Variants in ASB13 observed in about 807,000 individuals in gnomAD.
ASB13 encodes ankyrin repeat and SOCS box protein 13.
Under a neutral mutation model 28.8 loss-of-function variants are expected in ASB13, and 33 were observed. The observed-to-expected ratio is 1.15, with a 90% CI of 0.87 to 1.53. The LOEUF (loss-of-function observed/expected upper bound fraction) is 1.53. Ranked by LOEUF, ASB13 falls within the 40% of genes most tolerant of loss-of-function variation. The probability of loss-of-function intolerance (pLI) is 0.00; values close to 1 mark genes in which losing one functional copy is unlikely to be tolerated. For synonymous variants in ASB13, 182 were observed against 172.9 expected (o/e 1.05, Z -0.41); for missense variants, 414 against 390.1 (o/e 1.06, Z -0.52).
In ASB13 at chr10:5,658,801, G is replaced by A. The variant is rs1835111748; in HGVS notation, c.44-5751C>T. ...GAGCATGGGGGGACTGTCACCCGCA[G>A]GCTGTCCTCATAGGAGATTTACAGT... On this transcript the variant is annotated intron_variant, in intron 1 of 5. Coordinates refer to ENST00000357700, the MANE Select transcript of ASB13 (RefSeq NM_024701.4). This position sits in a 1 kb window ranked among gnomAD's most constrained non-coding sequence, Gnocchi z 4.2. 6.6e-6 allele frequency among the ~76,000 whole-genome samples: 1 copy of A among 152,174 alleles called. No individual in the cohort carries two copies. Among genetic ancestry groups the A allele is most frequent in the African/African-American group, 2.4e-5 (1 of 41,426 alleles).
At chr10:5,666,261 C>A (rs566226679) in intron 1 of ASB13, among the ~76,000 whole-genome samples, 1 of 152,140 alleles carries the variant, frequency 6.6e-6, no homozygotes, top group South Asian at 2.1e-4. Context: ...CCACACCTGG[C>A]GAGCCGCACG....
chr10:5,657,416 A>AT (rs1835089788), intron 1 of ASB13, among the ~76,000 whole-genome samples: 1 of 148,258 alleles, frequency 6.7e-6, no homozygotes. Context: ...AGCCACAAAC[A>AT]TAAAAAAAAA....
chr10:5,642,570 G>GT lies in ASB13; in HGVS notation c.518-610dup. The GT allele has an allele frequency of 8.5e-7, 1 of 1,170,318 alleles. No homozygotes were observed. The highest frequency in any genetic ancestry group is 1.1e-6 in the Non-Finnish European group (1 of 935,926). The allele number at this position is 1,170,318 out of a possible 1,614,324, so 72.5% of individuals were successfully genotyped here. ...TTCATCAAGCTGATTAAAAGTAAAG[G>GT]TAAAAAAAAATTTTTTTTTAAAAAA... On this transcript the variant is annotated intron_variant, in intron 4 of 5. Coordinates refer to ENST00000357700, the MANE Select transcript of ASB13 (RefSeq NM_024701.4). This position sits in a 1 kb window ranked among gnomAD's most constrained non-coding sequence, Gnocchi z 4.1.
chr10:5,645,764 G>GT lies in ASB13; in HGVS notation c.517+3205dup, dbSNP rs1021459494. 6.6e-6 allele frequency among the ~76,000 whole-genome samples: 1 copy of GT among 152,154 alleles called. No homozygotes were observed. The highest frequency in any genetic ancestry group is 1.5e-5 in the Non-Finnish European group (1 of 68,020). The stretch of plus-strand genomic sequence containing the variant: ...AGGAAAAGGGACTTTCCACTCTTCT[G>GT]TTTTTCTAGAGACACGGTCCCTGGC... On this transcript the variant is annotated intron_variant, in intron 4 of 5. Coordinates refer to ENST00000357700, the MANE Select transcript of ASB13 (RefSeq NM_024701.4). The surrounding 1 kb of genome is among the most constrained non-coding windows in gnomAD (Gnocchi z 5.4).
In ASB13 at chr10:5,640,561, C is replaced by T; in HGVS notation, c.*142G>A. ...ATTATCCAGGATCCAGGAGAGAAGC[C>T]TAAACAGGATCGCAGGAAGGGACTC... is the stretch of plus-strand genomic sequence containing the variant. On this transcript the variant is annotated 3_prime_UTR_variant, in exon 6 of 6. Transcript: ENST00000357700. The T allele has an allele frequency of 9.1e-7, 1 of 1,102,192 alleles. No homozygotes were observed. Among genetic ancestry groups the T allele is most frequent in the Non-Finnish European group, 1.3e-6 (1 of 769,690 alleles). 68.3% of individuals were successfully genotyped at this position (1,102,192 alleles called of 1,614,324 possible). A position where few individuals can be genotyped will look rare whatever the true frequency, so the allele number is the denominator to read the frequency against.
intron 4 of ASB13, among the ~76,000 whole-genome samples, chr10:5,643,152 T>C (rs1834835617): frequency 6.6e-6 from 1 of 152,124 alleles, no homozygotes; most frequent in African/African-American, 2.4e-5. Context: ...ATCAGTAAAA[T>C]AATTCGCCAA....
At position 5,649,177 on chromosome 10, in the gene ASB13, C is replaced by A; in HGVS notation, c.383-73G>T. On this transcript the variant is annotated intron_variant, in intron 3 of 5. Transcript: ENST00000357700. The surrounding 1 kb of genome is among the most constrained non-coding windows in gnomAD (Gnocchi z 6.4). ...GGAGACAACAAGCACACAGACGCGGCAGGGGCAGCAGCCTCCATCCTTGGT... is the reference window on the plus strand; with the variant it reads ...GGAGACAACAAGCACACAGACGCGGAAGGGGCAGCAGCCTCCATCCTTGGT... 6.3e-7 allele frequency: 1 copy of A among 1,585,054 alleles called. No individual in the cohort carries two copies. Among genetic ancestry groups the A allele is most frequent in the Non-Finnish European group, 8.6e-7 (1 of 1,164,248 alleles).
chr10:5,647,888 C>T (rs1166190218), intron 4 of ASB13, among the ~76,000 whole-genome samples: 3 of 152,224 alleles, frequency 2.0e-5, no homozygotes, highest in Non-Finnish European at 4.4e-5. Flanking sequence ...AACACCTGCT[C>T]AGGTGAACAG....
intron 4 of ASB13, among the ~76,000 whole-genome samples, chr10:5,647,685 C>T (rs886331895): frequency 4.6e-5 from 7 of 152,124 alleles, no homozygotes; most frequent in Admixed American, 1.3e-4. Context: ...CACCAGGCAC[C>T]GGGGAAACAT....
In ASB13 at chr10:5,666,504, C is replaced by A; in HGVS notation, c.43+5G>T. The A allele has an allele frequency of 7.7e-7, 1 of 1,290,794 alleles. No individual in the cohort carries two copies. Among genetic ancestry groups the A allele is most frequent in the Non-Finnish European group, 9.9e-7 (1 of 1,014,280 alleles). 80.0% of individuals were successfully genotyped at this position (1,290,794 alleles called of 1,614,324 possible). On this transcript the variant is annotated splice_donor_5th_base_variant and intron_variant, in intron 1 of 5. Coordinates refer to ENST00000357700, the MANE Select transcript of ASB13 (RefSeq NM_024701.4). ...CGCTCTGACCTCCGCGGCGCCCGCA[C>A]GTACCCACGTCGCCCAGGAAGCAGC... is the stretch of plus-strand genomic sequence containing the variant.
In ASB13 at chr10:5,649,325, G is replaced by A. The variant is rs1479467484; in HGVS notation, c.383-221C>T. 6.6e-6 allele frequency among the ~76,000 whole-genome samples: 1 copy of A among 152,152 alleles called. No individual in the cohort carries two copies. The highest frequency in any genetic ancestry group is 1.5e-5 in the Non-Finnish European group (1 of 68,024). ...CTGAGGACGGAGGGCTCAAGGCAGT[G>A]GGAGAAACGGGCCTGGCCGGCTTCT... On this transcript the variant is annotated intron_variant, in intron 3 of 5. Coordinates refer to ENST00000357700, the MANE Select transcript of ASB13 (RefSeq NM_024701.4). This position sits in a 1 kb window ranked among gnomAD's most constrained non-coding sequence, Gnocchi z 6.4.
At chr10:5,646,909 G>A (rs896660053) in intron 4 of ASB13, among the ~76,000 whole-genome samples, 5 of 152,138 alleles carry the variant, frequency 3.3e-5, no homozygotes, top group Non-Finnish European at 5.9e-5. Flanking sequence ...GGCTGGAAAC[G>A]CTTACACCTG....
chr10:5,657,277 T>A (rs141031742), intron 1 of ASB13, among the ~76,000 whole-genome samples: 3 of 152,220 alleles, frequency 2.0e-5, no homozygotes, highest in African/African-American at 7.2e-5. Flanking sequence ...TTGCAAGTCA[T>A]ATATCTGAAA....
Position 5,655,473 on chromosome 10 carries a change from CTGTT to C in ASB13, c.44-2427_44-2424del, listed in dbSNP as rs935301305. Among the ~76,000 whole-genome samples the C allele has an allele frequency of 2.6e-5, 4 of 152,210 alleles. No homozygotes were observed. The highest frequency in any genetic ancestry group is 9.7e-5 in the African/African-American group (4 of 41,438). Reference sequence around the variant, plus strand: ...CGAATCAGTGCTCAATAAACACTGTCTGTTTGTAGTATTTTTGCCTCCAATTGTA... The same window carrying C: ...CGAATCAGTGCTCAATAAACACTGTCTGTAGTATTTTTGCCTCCAATTGTA... On this transcript the variant is annotated intron_variant, in intron 1 of 5. Coordinates refer to ENST00000357700, the MANE Select transcript of ASB13 (RefSeq NM_024701.4). The surrounding 1 kb of genome is among the most constrained non-coding windows in gnomAD (Gnocchi z 6.2).
rs1299156100 is a variant in ASB13 at position 5,640,587 on chromosome 10, G to A, written c.*116C>T. 6.0e-6 allele frequency: 8 copies of A among 1,341,748 alleles called. No homozygotes were observed. The highest frequency in any genetic ancestry group is 4.0e-5 in the South Asian group (3 of 75,318). The allele number at this position is 1,341,748 out of a possible 1,614,324, so 83.1% of individuals were successfully genotyped here. On this transcript the variant is annotated 3_prime_UTR_variant, in exon 6 of 6. Transcript: ENST00000357700. ...TAAACAGGATCGCAGGAAGGGACTCGAAGGAGCGTTGTTCTATCTACAGCA... is the reference window on the plus strand; with the variant it reads ...TAAACAGGATCGCAGGAAGGGACTCAAAGGAGCGTTGTTCTATCTACAGCA...
chr10:5,666,097 T>C (rs1418207528), intron 1 of ASB13, among the ~76,000 whole-genome samples: 2 of 151,510 alleles, frequency 1.3e-5, no homozygotes, highest in Non-Finnish European at 2.9e-5. Context: ...TGGAGGGGGG[T>C]TTAGCTCTTA....
chr10:5,642,554 C>T lies in ASB13; in HGVS notation c.518-593G>A, dbSNP rs574295498. On this transcript the variant is annotated intron_variant, in intron 4 of 5. Transcript: ENST00000357700. This position sits in a 1 kb window ranked among gnomAD's most constrained non-coding sequence, Gnocchi z 4.1. ...ACGATAAGAGCAGACATTCATCAAG[C>T]TGATTAAAAGTAAAGGTAAAAAAAA... is the stretch of plus-strand genomic sequence containing the variant. 9.9e-5 allele frequency: 124 copies of T among 1,246,548 alleles called. No homozygotes were observed. Among genetic ancestry groups the T allele is most frequent in the Non-Finnish European group, 1.2e-4 (119 of 976,152 alleles). 77.2% of individuals were successfully genotyped at this position (1,246,548 alleles called of 1,614,324 possible). A position where few individuals can be genotyped will look rare whatever the true frequency, so the allele number is the denominator to read the frequency against.
At position 5,640,789 on chromosome 10, in the gene ASB13, T is replaced by C. The variant is rs1409103636; in HGVS notation, c.751A>G (p.Arg251Gly). The C allele has an allele frequency of 6.2e-7, 1 of 1,614,094 alleles. No homozygotes were observed. Among genetic ancestry groups the C allele is most frequent in the South Asian group, 1.1e-5 (1 of 91,084 alleles). ...TLSQLCRVNL[R>G]KATGVRGLEK... ...AGCCCTCGGACGCCAGTGGCCTTCC[T>C]CAAGTTCACCCTGCAGAGCTGTGAC... The change falls in exon 6 of 6, where the codon AGG becomes GGG. Residue 251 changes from arginine (R) to glycine (G), a missense_variant. Arg to Gly is a moderately radical substitution (Grantham distance 125). Coordinates refer to ENST00000357700, the MANE Select transcript of ASB13 (RefSeq NM_024701.4).
rs1197700042 is a variant in ASB13 at position 5,645,250 on chromosome 10, T to A, written c.518-3289A>T. The stretch of plus-strand genomic sequence containing the variant: ...CCACAAGAGAAATTGAAAAAAAAAA[T>A]TAAATTTAAAAAATTATAATTAAAA... On this transcript the variant is annotated intron_variant, in intron 4 of 5. Transcript: ENST00000357700. The surrounding 1 kb of genome is among the most constrained non-coding windows in gnomAD (Gnocchi z 5.4). Among the ~76,000 whole-genome samples, 1 of 151,260 alleles carries A rather than the reference T, an allele frequency of 6.6e-6. No homozygotes were observed. Among genetic ancestry groups the A allele is most frequent in the African/African-American group, 2.4e-5 (1 of 41,146 alleles).
Sources: allele counts gnomAD v4.1 joint callset (sites outside exome capture counted in the v4.1 genomes callset), GRCh38; gene constraint gnomAD v4.1.1; non-coding constraint Gnocchi (gnomAD v3.1); transcripts MANE v1.5; gene names NCBI Gene and HGNC (gene_info 2026-07-23, HGNC 2026-07-21).